DMP1: variants seen among roughly 807,000 people sequenced by gnomAD.
The protein encoded by DMP1 is dentin matrix protein 1.
A neutral mutation model predicts 14.6 loss-of-function variants in DMP1; 20 were observed. That is an observed-to-expected ratio of 1.37 (90% CI 0.96 to 1.99). The LOEUF is 1.99. Among genes scored for constraint, DMP1 ranks in the 30% most tolerant of loss-of-function variants. The probability of loss-of-function intolerance (pLI) is 0.00; values close to 1 mark genes in which losing one functional copy is unlikely to be tolerated. For synonymous variants in DMP1, 197 were observed against 215.3 expected (o/e 0.91, Z 0.75); for missense variants, 567 against 620.5 (o/e 0.91, Z 0.92).
Position 87,663,234 on chromosome 4 carries a change from A to G in DMP1, c.1456A>G (p.Ile486Val), listed in dbSNP as rs886059687. Residue 486 changes from isoleucine to valine, a missense_variant, in exon 6 of 6, where the codon ATA becomes GTA. Ile to Val is a conservative substitution (Grantham distance 29). Transcript: ENST00000339673. ...EEDGQLKNIE[I>V]ESRKLTVDAY... The stretch of plus-strand genomic sequence containing the variant: ...AGATGGCCAGTTGAAAAACATTGAG[A>G]TAGAGAGCCGGAAATTAACAGTTGA... 6.2e-7 allele frequency: 1 copy of G among 1,614,228 alleles called. No homozygotes were observed.
intron 1 of DMP1, among the ~76,000 whole-genome samples, chr4:87,653,207 T>C (rs1041021546): frequency 8.6e-5 from 13 of 151,372 alleles, no homozygotes; most frequent in Admixed American, 4.0e-4. Flanking sequence ...ATAATGCCCA[T>C]AATATACATG....
intron 2 of DMP1, among the ~76,000 whole-genome samples, 161 bp downstream of exon 2, chr4:87,656,707 T>A (rs1728708269): frequency 6.6e-6 from 1 of 152,236 alleles, no homozygotes; most frequent in Non-Finnish European, 1.5e-5. Context: ...AAGGTGTTTT[T>A]TATTCTGTTC....
In DMP1 at chr4:87,662,696, C is replaced by T. The variant is rs1280401399; in HGVS notation, c.918C>T (p.Leu306=). Residue 306 remains leucine, a synonymous_variant, in exon 6 of 6, where the codon CTC becomes CTT. Transcript: ENST00000339673. The part of the protein sequence containing the change: ...TENSNSRDTG[L]SQPRRDSKGD... Reference sequence around the variant, plus strand: ...ACAGCAACTCCAGAGACACTGGCCTCAGCCAACCCAGGAGAGACAGCAAGG... The same window carrying T: ...ACAGCAACTCCAGAGACACTGGCCTTAGCCAACCCAGGAGAGACAGCAAGG... 4 of 1,614,154 alleles carry T rather than the reference C, an allele frequency of 2.5e-6. No homozygotes were observed. In the South Asian group the frequency reaches 3.3e-5, roughly 13 times the overall value.
Position 87,662,303 on chromosome 4 carries a change from C to G in DMP1, c.525C>G (p.Asp175Glu). Residue 175 changes from aspartate to glutamate, a missense_variant, in exon 6 of 6, where the codon GAC becomes GAG. Coordinates refer to ENST00000339673, the MANE Select transcript of DMP1 (RefSeq NM_004407.4). Reference sequence around the variant, plus strand: ...AACTTGACAATGAGGACCGGGTGGACAGCAAGCCTGAGGGAGGTGACTCCA... The same window carrying G: ...AACTTGACAATGAGGACCGGGTGGAGAGCAAGCCTGAGGGAGGTGACTCCA... The part of the protein sequence containing the change: ...SRELDNEDRV[D>E]SKPEGGDSTQ... 6.2e-7 allele frequency: 1 copy of G among 1,614,040 alleles called. No homozygotes were observed.
At chr4:87,658,260 A>C (rs1296080580) in intron 3 of DMP1, among the ~76,000 whole-genome samples, 1 of 152,230 alleles carries the variant, frequency 6.6e-6, no homozygotes, top group Non-Finnish European at 1.5e-5. Context: ...GCACCTCTGA[A>C]ACGCACGTTG....
intron 1 of DMP1, among the ~76,000 whole-genome samples, chr4:87,655,091 G>A (rs376954028): frequency 1.3e-5 from 2 of 152,258 alleles, no homozygotes; most frequent in South Asian, 4.1e-4. Flanking sequence ...GACTTAGTGA[G>A]TTTGGGGTCC....
At chr4:87,660,723 C>A (rs1283356191) in intron 5 of DMP1, 1 of 152,180 alleles carries the variant, frequency 6.6e-6, no homozygotes, top group Non-Finnish European at 1.5e-5. Flanking sequence ...TCCCACGTAG[C>A]ACTAAGTTGC....
intron 1 of DMP1, among the ~76,000 whole-genome samples, chr4:87,655,092 T>C (rs144538986): frequency 3.0e-4 from 46 of 152,306 alleles, no homozygotes; most frequent in Non-Finnish European, 5.6e-4. Flanking sequence ...ACTTAGTGAG[T>C]TTGGGGTCCC....
Position 87,659,305 on chromosome 4 carries a change from C to T in DMP1, c.135+53C>T, listed in dbSNP as rs1006876094. On this transcript the variant is annotated intron_variant, in intron 4 of 5. Transcript: ENST00000339673. ...AACATCTCATGAAGTAACTTTAACA[C>T]TCTTCCAGTTGCCTTTTACAATTTT... The T allele has an allele frequency of 1.9e-6, 3 of 1,604,022 alleles. No homozygotes were observed. The African/African-American group carries it at 4.0e-5, about 21-fold the overall frequency.
intron 5 of DMP1, 150 bp from the exon 6 acceptor site, chr4:87,661,812 T>G: frequency 1.4e-6 from 2 of 1,410,794 alleles, no homozygotes; most frequent in Non-Finnish European, 1.9e-6. Context: ...ATTTAAGCTC[T>G]GGTAGAGAGG....
At chr4:87,661,029 G>GT (rs1483263282) in intron 5 of DMP1, among the ~76,000 whole-genome samples, 1 of 146,538 alleles carries the variant, frequency 6.8e-6, no homozygotes, top group Non-Finnish European at 1.5e-5. Flanking sequence ...TACCTAAGAG[G>GT]TTTTTTTGTG....
chr4:87,656,340 C>A (rs543756426), intron 1 of DMP1, 132 bp from the exon 2 acceptor site: 15 of 685,730 alleles, frequency 2.2e-5, no homozygotes, highest in Non-Finnish European at 4.0e-5. Flanking sequence ...TTTATAGATA[C>A]AGTAAATTTT....
At chr4:87,657,726 AT>A (rs1728740089) in intron 3 of DMP1, among the ~76,000 whole-genome samples, 1 of 152,228 alleles carries the variant, frequency 6.6e-6, no homozygotes, top group Non-Finnish European at 1.5e-5. Context: ...CAGAATCCAC[AT>A]TCTTAACCAG....
In DMP1 at chr4:87,662,481, G is replaced by A; in HGVS notation, c.703G>A (p.Ala235Thr). The change falls in exon 6 of 6, where the codon GCA becomes ACA. Residue 235 changes from alanine (A) to threonine (T), a missense_variant. Physicochemically the swap from Ala to Thr is moderately conservative, Grantham distance 58. Coordinates refer to ENST00000339673, the MANE Select transcript of DMP1 (RefSeq NM_004407.4). The part of the protein sequence containing the change: ...SERGNSRMNS[A>T]GMKSKESGEN... ...AAGGGGAAACTCCAGAATGAACAGTGCAGGCATGAAATCAAAAGAATCTGG... is the reference window on the plus strand; with the variant it reads ...AAGGGGAAACTCCAGAATGAACAGTACAGGCATGAAATCAAAAGAATCTGG... The A allele has an allele frequency of 6.2e-7, 1 of 1,614,202 alleles. No homozygotes were observed. The highest frequency in any genetic ancestry group is 1.1e-5 in the South Asian group (1 of 91,084).
Position 87,660,532 on chromosome 4 carries a change from T to C in DMP1, c.183+1054T>C, listed in dbSNP as rs529571561. Among the ~76,000 whole-genome samples, 14 of 152,276 alleles carry C rather than the reference T, an allele frequency of 9.2e-5. No homozygotes were observed. In the South Asian group the frequency reaches 2.9e-3, roughly 32 times the overall value. Reference sequence around the variant, plus strand: ...AATCACCCAATTACAGACTCAGACATTGATCAGTAGGGATGTGTAAAAACA... The same window carrying C: ...AATCACCCAATTACAGACTCAGACACTGATCAGTAGGGATGTGTAAAAACA... On this transcript the variant is annotated intron_variant, in intron 5 of 5. Transcript: ENST00000339673.
Position 87,663,086 on chromosome 4 carries a change from C to T in DMP1, c.1308C>T (p.His436=), listed in dbSNP as rs144902740. ...CCAGCCAGGAGGGCCTCCAGTCTCA[C>T]AGCAGCTCAGCAGAGAGTCAGAGCG... ...NSSSQEGLQS[H]SSSAESQSEE... is the part of the protein sequence containing the mutation. Residue 436 remains histidine (H), a synonymous_variant, in exon 6 of 6, where the codon CAC becomes CAT. Transcript: ENST00000339673. 5.6e-6 allele frequency: 9 copies of T among 1,614,198 alleles called. No homozygotes were observed. Among genetic ancestry groups the T allele is most frequent in the Non-Finnish European group, 6.8e-6 (8 of 1,180,026 alleles).
At chr4:87,657,126 A>T (rs1728723052) in intron 3 of DMP1, 47 bp downstream of exon 3, 2 of 1,115,780 alleles carry the variant, frequency 1.8e-6, no homozygotes, top group Non-Finnish European at 2.7e-6. Flanking sequence ...TTAATTTATT[A>T]TGAGTATAAC....
chr4:87,653,921 C>T (rs746066096), intron 1 of DMP1, among the ~76,000 whole-genome samples: 16 of 152,098 alleles, frequency 1.1e-4, no homozygotes, highest in African/African-American at 2.7e-4. Context: ...GCCTTCAGAA[C>T]GAAGACCTAA....
At chr4:87,657,184 C>T in intron 3 of DMP1, 105 bp downstream of exon 3, 1 of 701,480 alleles carries the variant, frequency 1.4e-6, no homozygotes, top group Admixed American at 2.2e-5. Flanking sequence ...ACTTCATCAG[C>T]ATATTAATAA....
Sources: allele counts gnomAD v4.1 joint callset (sites outside exome capture counted in the v4.1 genomes callset), GRCh38; gene constraint gnomAD v4.1.1; transcripts MANE v1.5; gene names NCBI Gene and HGNC (gene_info 2026-07-23, HGNC 2026-07-21).